Variants in FBN1 observed in about 807,000 individuals in gnomAD.
The protein encoded by FBN1 is fibrillin-1.
A neutral mutation model predicts 365.1 loss-of-function variants in FBN1; 29 were observed. The ratio of observed to expected loss-of-function variants is 0.08; its 90% CI spans 0.06 to 0.11. The LOEUF is 0.11. FBN1 is among the 10% of genes least tolerant of loss of function. The pLI is 1.00. For synonymous variants in FBN1, 1,210 were observed against 1,270.5 expected, an observed-to-expected ratio of 0.95 and a Z score of 1.01; for missense variants, 2,476 against 3,703.2, an observed-to-expected ratio of 0.67 and a Z score of 8.60.
chr15:48,596,280 T>C lies in FBN1; in HGVS notation c.538+3A>G. 6.2e-7 allele frequency: 1 copy of C among 1,613,408 alleles called. No homozygotes were observed. The highest frequency in any genetic ancestry group is 8.5e-7 in the Non-Finnish European group (1 of 1,179,378). On this transcript the variant is annotated splice_donor_region_variant and intron_variant, in intron 6 of 65. Transcript: ENST00000316623. The stretch of plus-strand genomic sequence containing the variant: ...TTACGTAAATGATTTTAAAAACCAT[T>C]ACCTCTTTCACACTGGGGTCCAGTA...
At chr15:48,554,987 C>T (rs2044168836) in intron 6 of FBN1, among the ~76,000 whole-genome samples, 1 of 152,162 alleles carries the variant, frequency 6.6e-6, no homozygotes, top group African/African-American at 2.4e-5. Flanking sequence ...ACCCAACATG[C>T]ATCATTTAAT....
At chr15:48,424,469 G>A (rs1403051777) in intron 60 of FBN1, among the ~76,000 whole-genome samples, 1 of 152,054 alleles carries the variant, frequency 6.6e-6, no homozygotes, top group Non-Finnish European at 1.5e-5. Flanking sequence ...CAGTTCAGTG[G>A]TACACACAGC....
At chr15:48,480,785 A>G (rs1320432268) in intron 32 of FBN1, among the ~76,000 whole-genome samples, 1 of 152,172 alleles carries the variant, frequency 6.6e-6, no homozygotes, top group Non-Finnish European at 1.5e-5. Flanking sequence ...TTTGGAATTA[A>G]AGACTGTTAT....
At chr15:48,626,736 A>T (rs958897231) in intron 2 of FBN1, among the ~76,000 whole-genome samples, 1 of 152,186 alleles carries the variant, frequency 6.6e-6, no homozygotes, top group Non-Finnish European at 1.5e-5. Context: ...AAATTGAAAC[A>T]AAGTTGTAAG....
At position 48,437,365 on chromosome 15, in the gene FBN1, A is replaced by G. The variant is rs772876451; in HGVS notation, c.6336T>C (p.Pro2112=). 3.7e-6 allele frequency: 6 copies of G among 1,613,586 alleles called. No individual in the cohort carries two copies. The East Asian group carries it at 1.3e-4, about 36-fold the overall frequency. ...EPDEAFRQIC[P]YGSGIIVGPD... is the part of the protein sequence containing the mutation. Reference sequence around the variant, plus strand: ...GTCCCACGATGATCCCACTTCCATAAGGACATATCTGGCGGAAGGCCTCTG... The same window carrying G: ...GTCCCACGATGATCCCACTTCCATAGGGACATATCTGGCGGAAGGCCTCTG... Residue 2112 remains proline, a synonymous_variant, in exon 52 of 66, where the codon CCT becomes CCC. Coordinates refer to ENST00000316623, the MANE Select transcript of FBN1 (RefSeq NM_000138.5).
Position 48,434,608 on chromosome 15 carries a change from A to G in FBN1, c.6602T>C (p.Met2201Thr). 1 of 1,613,808 alleles carries G rather than the reference A, an allele frequency of 6.2e-7. No individual in the cohort carries two copies. Among genetic ancestry groups the G allele is most frequent in the Non-Finnish European group, 8.5e-7 (1 of 1,179,764 alleles). The change falls in exon 54 of 66, where the codon ATG becomes ACG. Residue 2201 changes from methionine (M) to threonine (T), a missense_variant. Met to Thr is a moderately conservative substitution (Grantham distance 81). Coordinates refer to ENST00000316623, the MANE Select transcript of FBN1 (RefSeq NM_000138.5). ...TCEEGFEPGP[M>T]MTCEDINECA... is the part of the protein sequence containing the mutation. ...AAGAGATGTACCTTCACATGTCATC[A>G]TTGGACCGGGCTCAAATCCCTCCTC... is the stretch of plus-strand genomic sequence containing the variant.
At chr15:48,523,600 A>G (rs1255799366) in intron 9 of FBN1, among the ~76,000 whole-genome samples, 1 of 152,192 alleles carries the variant, frequency 6.6e-6, no homozygotes, top group Non-Finnish European at 1.5e-5. Context: ...GCTAATAAGT[A>G]AAGGAAGAAA....
chr15:48,498,196 T>A (rs1353554844), intron 18 of FBN1, among the ~76,000 whole-genome samples: 1 of 151,992 alleles, frequency 6.6e-6, no homozygotes, highest in Non-Finnish European at 1.5e-5. Flanking sequence ...TTCTTCCAAG[T>A]CCCTATCACA....
At chr15:48,608,682 C>G (rs1007416671) in intron 4 of FBN1, among the ~76,000 whole-genome samples, 1 of 152,170 alleles carries the variant, frequency 6.6e-6, no homozygotes, top group Non-Finnish European at 1.5e-5. Context: ...GGGACTTTGT[C>G]TAACGTCCAG....
intron 6 of FBN1, among the ~76,000 whole-genome samples, chr15:48,547,952 C>T (rs1418035154): frequency 1.3e-5 from 2 of 152,088 alleles, no homozygotes; most frequent in Non-Finnish European, 2.9e-5. Context: ...ACTCAGAACA[C>T]GTGAGTGAAC....
chr15:48,412,793 G>A (rs1044130014), intron 64 of FBN1, 50 bp from the exon 65 acceptor site: 2 of 1,605,488 alleles, frequency 1.2e-6, no homozygotes, highest in African/African-American at 1.3e-5. Flanking sequence ...GGGAAGACAA[G>A]GTAGGTGGTA....
At chr15:48,413,070 T>C (rs1449554525) in intron 64 of FBN1, among the ~76,000 whole-genome samples, 1 of 152,166 alleles carries the variant, frequency 6.6e-6, no homozygotes, top group African/African-American at 2.4e-5. Flanking sequence ...AAGAGAATAG[T>C]AGATGAGGGA....
At chr15:48,484,610 A>AC (rs1229962778) in intron 30 of FBN1, among the ~76,000 whole-genome samples, 2 of 152,322 alleles carry the variant, frequency 1.3e-5, no homozygotes, top group South Asian at 2.1e-4. Flanking sequence ...AACTCAGGTG[A>AC]TCTGCCTGCC....
At chr15:48,413,995 G>A (rs1287424188) in intron 64 of FBN1, among the ~76,000 whole-genome samples, 1 of 152,144 alleles carries the variant, frequency 6.6e-6, no homozygotes, top group Non-Finnish European at 1.5e-5. Flanking sequence ...GGGTGTGTGC[G>A]CATGCGTATA....
At chr15:48,641,956 C>G (rs1444679599) in intron 2 of FBN1, 1 of 152,112 alleles carries the variant, frequency 6.6e-6, no homozygotes, top group Non-Finnish European at 1.5e-5. Flanking sequence ...TCTATTTTTA[C>G]TAATTTATAC....
chr15:48,441,673 C>G (rs778660319), intron 50 of FBN1, 48 bp downstream of exon 50: 3 of 1,611,520 alleles, frequency 1.9e-6, no homozygotes, highest in Non-Finnish European at 1.7e-6. Context: ...AAGACCACCA[C>G]AAATAAACAT....
At chr15:48,424,864 T>C (rs965076381) in intron 60 of FBN1, among the ~76,000 whole-genome samples, 13 of 152,184 alleles carry the variant, frequency 8.5e-5, no homozygotes, top group African/African-American at 2.9e-4. Flanking sequence ...CTGTGTGATA[T>C]TTATGTCTCA....
intron 25 of FBN1, among the ~76,000 whole-genome samples, chr15:48,488,720 G>A (rs1395738542): frequency 6.6e-6 from 1 of 152,134 alleles, no homozygotes; most frequent in Non-Finnish European, 1.5e-5. Context: ...AGCAAATAAT[G>A]TGTCTATTCA....
chr15:48,618,453 G>A (rs1188007025), intron 2 of FBN1, among the ~76,000 whole-genome samples: 3 of 151,932 alleles, frequency 2.0e-5, no homozygotes, highest in Non-Finnish European at 4.4e-5. Context: ...CTTTATTCTG[G>A]CCCTCTTCAC....
Sources: allele counts gnomAD v4.1 joint callset (sites outside exome capture counted in the v4.1 genomes callset), GRCh38; gene constraint gnomAD v4.1.1; transcripts MANE v1.5; gene names NCBI Gene and HGNC (gene_info 2026-07-23, HGNC 2026-07-21).